Variants in TBC1D1 observed in about 807,000 individuals in gnomAD.
TBC1D1 encodes the protein TBC1 (tre-2/USP6, BUB2, cdc16) domain family, member 1.
In TBC1D1, 89 loss-of-function variants were observed where a neutral mutation model predicts 125.6. That is an observed-to-expected ratio of 0.71 (90% CI 0.60 to 0.85). The LOEUF is 0.85. Among genes scored for constraint, TBC1D1 ranks in the 40% least tolerant of loss-of-function variants. The pLI is 0.00. For synonymous variants in TBC1D1, 565 were observed against 564.1 expected, an observed-to-expected ratio of 1.00 and a Z score of -0.02; for missense variants, 1,377 against 1,469.2, an observed-to-expected ratio of 0.94 and a Z score of 1.03.
chr4:38,138,591 AC>A lies in TBC1D1; in HGVS notation c.*1257del, dbSNP rs1766981556. On this transcript the variant is annotated 3_prime_UTR_variant, in exon 20 of 20. Coordinates refer to ENST00000261439, the MANE Select transcript of TBC1D1 (RefSeq NM_015173.4). ...GCCTTCAACAAGCAAAATGCTGCTC[AC>A]GGTTGTCCTGCTTGCAGCCAGTCAC... 6.6e-6 allele frequency: 1 copy of A among 152,654 alleles called. No homozygotes were observed. The highest frequency in any genetic ancestry group is 1.5e-5 in the Non-Finnish European group (1 of 68,042). The allele number at this position is 152,654 out of a possible 1,614,324, so 9.5% of individuals were successfully genotyped here.
intron 18 of TBC1D1, among the ~76,000 whole-genome samples, chr4:38,126,874 T>C (rs1764739834): frequency 6.6e-6 from 1 of 152,232 alleles, no homozygotes; most frequent in South Asian, 2.1e-4. Context: ...TCTCCTACAC[T>C]GCCAAGAGCC....
intron 12 of TBC1D1, among the ~76,000 whole-genome samples, chr4:38,076,663 T>C (rs919447249): frequency 6.6e-6 from 1 of 152,148 alleles, no homozygotes; most frequent in African/African-American, 2.4e-5. Context: ...AGAGAGAAGA[T>C]ATGAAAATAT....
intron 2 of TBC1D1, among the ~76,000 whole-genome samples, chr4:37,937,014 C>T (rs955149955): frequency 2.6e-5 from 4 of 152,158 alleles, no homozygotes; most frequent in South Asian, 2.1e-4. Flanking sequence ...GGCAAATGAA[C>T]AGCAACCAAG....
intron 2 of TBC1D1, among the ~76,000 whole-genome samples, chr4:37,999,149 T>C (rs1267369094): frequency 1.3e-5 from 2 of 152,190 alleles, no homozygotes; most frequent in African/African-American, 2.4e-5. Context: ...CTCTGGAGGC[T>C]GAAGCAGGAG....
chr4:38,118,307 G>A, intron 17 of TBC1D1, 115 bp downstream of exon 19: 3 of 1,274,998 alleles, frequency 2.4e-6, no homozygotes, highest in Non-Finnish European at 3.3e-6. Context: ...ACCAGAACAG[G>A]GTATTGTTTG....
chr4:38,135,467 G>C (rs1459206676), intron 19 of TBC1D1, among the ~76,000 whole-genome samples: 1 of 152,204 alleles, frequency 6.6e-6, no homozygotes, highest in Non-Finnish European at 1.5e-5. Flanking sequence ...AGACATGCTT[G>C]CTTCTATAAA....
Position 38,139,116 on chromosome 4 carries a change from A to G in TBC1D1, c.*1781A>G, listed in dbSNP as rs1332800551. 6.6e-6 allele frequency: 1 copy of G among 152,086 alleles called. No individual in the cohort carries two copies. Among genetic ancestry groups the G allele is most frequent in the Non-Finnish European group, 1.5e-5 (1 of 67,986 alleles). 9.4% of individuals were successfully genotyped at this position (152,086 alleles called of 1,614,324 possible). A position where few individuals can be genotyped will look rare whatever the true frequency, so the allele number is the denominator to read the frequency against. ...TTATTACTGTTACTCAAAAACATTGACTCTGCATCAAGAAAGAAACAAGAA... is the reference window on the plus strand; with the variant it reads ...TTATTACTGTTACTCAAAAACATTGGCTCTGCATCAAGAAAGAAACAAGAA... On this transcript the variant is annotated 3_prime_UTR_variant, in exon 20 of 20. Transcript: ENST00000261439.
intron 12 of TBC1D1, among the ~76,000 whole-genome samples, chr4:38,068,649 A>T (rs891810943): frequency 6.6e-6 from 1 of 152,212 alleles, no homozygotes; most frequent in African/African-American, 2.4e-5. Flanking sequence ...CACTATTTAA[A>T]ATTAAATACA....
intron 13 of TBC1D1, among the ~76,000 whole-genome samples, chr4:38,091,448 G>A (rs1226444297): frequency 6.6e-6 from 1 of 152,222 alleles, no homozygotes; most frequent in Non-Finnish European, 1.5e-5. Flanking sequence ...TCTAAAAGAT[G>A]TTTGGTAGTG....
intron 2 of TBC1D1, among the ~76,000 whole-genome samples, chr4:37,928,597 C>A (rs1285393574): frequency 6.6e-6 from 1 of 152,188 alleles, no homozygotes; most frequent in African/African-American, 2.4e-5. Context: ...GCGCAGCCAG[C>A]CCTTGCAGTG....
At chr4:38,120,162 A>G in intron 17 of TBC1D1, 1 of 940,210 alleles carries the variant, frequency 1.1e-6, no homozygotes, top group African/African-American at 1.8e-5. Context: ...GGAGTTTCAT[A>G]AACATTATGC....
intron 4 of TBC1D1, among the ~76,000 whole-genome samples, chr4:38,019,100 A>G (rs1187785708): frequency 6.6e-6 from 1 of 152,094 alleles, no homozygotes; most frequent in Non-Finnish European, 1.5e-5. Context: ...GAATCTATCA[A>G]TTAAGATTAG....
At position 38,034,252 on chromosome 4, in the gene TBC1D1, T is replaced by A. The variant is rs577311180; in HGVS notation, c.1303-1336T>A. On this transcript the variant is annotated intron_variant, in intron 7 of 19. Coordinates refer to ENST00000261439, the MANE Select transcript of TBC1D1 (RefSeq NM_015173.4). ...CTTTTTGAGAATCTAATGCCCACTTTCTCCAGAGAAATCCACTTTTTGCAT... is the reference window on the plus strand; with the variant it reads ...CTTTTTGAGAATCTAATGCCCACTTACTCCAGAGAAATCCACTTTTTGCAT... Among the ~76,000 whole-genome samples, 5 of 152,368 alleles carry A rather than the reference T, an allele frequency of 3.3e-5. No individual in the cohort carries two copies. The East Asian group carries it at 9.6e-4, about 29-fold the overall frequency.
intron 10 of TBC1D1, among the ~76,000 whole-genome samples, chr4:38,048,034 T>G (rs1013587924): frequency 1.3e-5 from 2 of 152,258 alleles, no homozygotes; most frequent in African/African-American, 4.8e-5. Context: ...AAAGTCTGTC[T>G]AAGATTGCAA....
At chr4:38,115,220 C>T (rs547568125) in intron 15 of TBC1D1, among the ~76,000 whole-genome samples, 115 of 151,900 alleles carry the variant, frequency 7.6e-4, no homozygotes, top group Non-Finnish European at 1.1e-3. Flanking sequence ...CCTGCCTCAG[C>T]CTCCCGAGTA....
intron 17 of TBC1D1, chr4:38,119,841 G>C: frequency 1.9e-6 from 1 of 522,230 alleles, no homozygotes; most frequent in Non-Finnish European, 2.5e-6. Flanking sequence ...ATTCTACCAA[G>C]GCAACCAGGC....
chr4:38,049,937 CAT>C (rs1159733567), intron 11 of TBC1D1, 39 bp downstream of exon 11: 2 of 1,579,454 alleles, frequency 1.3e-6, no homozygotes, highest in East Asian at 4.5e-5. Flanking sequence ...ATAGCTGGGG[CAT>C]ATCTGTGACT....
chr4:37,944,244 T>A (rs941624870), intron 2 of TBC1D1, among the ~76,000 whole-genome samples: 4 of 152,214 alleles, frequency 2.6e-5, no homozygotes, highest in Non-Finnish European at 5.9e-5. Flanking sequence ...AGTCTGCCCC[T>A]ACTGGGGGGT....
chr4:38,086,494 T>C (rs1757504918), intron 12 of TBC1D1, among the ~76,000 whole-genome samples: 1 of 152,270 alleles, frequency 6.6e-6, no homozygotes, highest in Non-Finnish European at 1.5e-5. Flanking sequence ...TGCTGACCTT[T>C]ACAGTGGATC....
Sources: allele counts gnomAD v4.1 joint callset (sites outside exome capture counted in the v4.1 genomes callset), GRCh38; gene constraint gnomAD v4.1.1; transcripts MANE v1.5; gene names NCBI Gene and HGNC (gene_info 2026-07-23, HGNC 2026-07-21).